Variants in NCALD observed in about 807,000 individuals in gnomAD.
NCALD encodes the protein neurocalcin-delta.
In NCALD, 10 loss-of-function variants were observed where a neutral mutation model predicts 18.6. That is an observed-to-expected ratio of 0.54 (90% CI 0.33 to 0.91). The LOEUF (loss-of-function observed/expected upper bound fraction) is 0.91, where lower values mean the gene tolerates loss of function less well. Ranked by LOEUF, NCALD falls within the 40% of genes least tolerant of loss-of-function variation. The probability of loss-of-function intolerance (pLI) is 0.03; values close to 1 mark genes in which losing one functional copy is unlikely to be tolerated. For missense variants in NCALD, 184 were observed against 247.6 expected (o/e 0.74, Z 1.72); for synonymous variants, 88 against 87.4 (o/e 1.01, Z -0.04).
intron 2 of NCALD, among the ~76,000 whole-genome samples, chr8:102,013,660 T>A (rs1029912140): frequency 3.3e-5 from 5 of 151,056 alleles, no homozygotes. Flanking sequence ...GAACAAGATA[T>A]GTTAAAAAAA....
intron 1 of NCALD, among the ~76,000 whole-genome samples, chr8:102,074,664 G>A (rs557927039): frequency 2.2e-4 from 34 of 152,126 alleles, no homozygotes; most frequent in East Asian, 1.2e-3. Context: ...CTCTCACGTC[G>A]GTTCCACAGG....
intron 1 of NCALD, among the ~76,000 whole-genome samples, chr8:102,031,182 GA>G (rs1822656867): frequency 1.3e-5 from 2 of 152,126 alleles, no homozygotes; most frequent in African/African-American, 4.8e-5. Context: ...GGAACACAAT[GA>G]AATGTACCGT....
chr8:101,914,580 C>T (rs953299321), intron 3 of NCALD, among the ~76,000 whole-genome samples: 6 of 152,178 alleles, frequency 3.9e-5, no homozygotes, highest in Admixed American at 3.9e-4. Context: ...AATTCTTCTA[C>T]ATTCTCTTCA....
intron 2 of NCALD, among the ~76,000 whole-genome samples, chr8:102,000,333 A>G (rs969131373): frequency 3.3e-5 from 5 of 150,990 alleles, no homozygotes; most frequent in Non-Finnish European, 7.4e-5. Flanking sequence ...GGGGAGGGGT[A>G]CCCGCCATTG....
intron 1 of NCALD, among the ~76,000 whole-genome samples, chr8:102,072,513 A>G (rs910335032): frequency 1.3e-5 from 2 of 152,204 alleles, no homozygotes; most frequent in African/African-American, 4.8e-5. Context: ...CACAAAGACA[A>G]CAACAGAGTT....
chr8:102,032,779 T>C (rs746911824), intron 1 of NCALD, among the ~76,000 whole-genome samples: 1 of 152,076 alleles, frequency 6.6e-6, no homozygotes, highest in African/African-American at 2.4e-5. Flanking sequence ...CAAGATAACA[T>C]ATTCTGAGGA....
rs555484736 is a variant in NCALD, at chr8:102,029,716, T to C, written c.-209-9427A>G. Among the ~76,000 whole-genome samples, 4 of 152,320 alleles carry C rather than the reference T, an allele frequency of 2.6e-5. No homozygotes were observed. In the South Asian group the frequency reaches 6.2e-4, roughly 24 times the overall value. On this transcript the variant is annotated intron_variant, in intron 1 of 6. Coordinates refer to the NCALD transcript ENST00000311028. Reference sequence around the variant, plus strand: ...AGAGGTGAAAACCAAAAACACAGCATTCGAGCTGAAGGAAAAGCAGGTCAC... The same window carrying C: ...AGAGGTGAAAACCAAAAACACAGCACTCGAGCTGAAGGAAAAGCAGGTCAC...
chr8:101,711,582 T>C (rs145598018), intron 2 of NCALD, among the ~76,000 whole-genome samples: 3,914 of 151,784 alleles, frequency 0.026, 134 homozygotes, highest in African/African-American at 0.078. Flanking sequence ...ATAAATGACC[T>C]GATGGAGCTG....
chr8:102,066,050 C>T (rs929563977), intron 1 of NCALD, among the ~76,000 whole-genome samples: 1 of 152,176 alleles, frequency 6.6e-6, no homozygotes, highest in Non-Finnish European at 1.5e-5. Flanking sequence ...CTCCTGGACC[C>T]AACTCACAGC....
intron 4 of NCALD, among the ~76,000 whole-genome samples, chr8:101,871,251 C>G (rs373859188): frequency 1.1e-4 from 17 of 152,224 alleles, no homozygotes; most frequent in African/African-American, 3.9e-4. Flanking sequence ...GTTCCTGCCC[C>G]CTTTTGGAGA....
intron 3 of NCALD, among the ~76,000 whole-genome samples, chr8:101,906,334 C>T (rs1478398998): frequency 6.6e-6 from 1 of 152,156 alleles, no homozygotes; most frequent in African/African-American, 2.4e-5. Flanking sequence ...GATCCAAGAA[C>T]ATCTGAGTGC....
At chr8:101,770,853 A>T (rs1479865519) in intron 1 of NCALD, among the ~76,000 whole-genome samples, 2 of 152,208 alleles carry the variant, frequency 1.3e-5, no homozygotes, top group African/African-American at 4.8e-5. Context: ...TACATTTTTT[A>T]AAAAATAGAT....
intron 4 of NCALD, among the ~76,000 whole-genome samples, chr8:101,831,150 A>G (rs1401570098): frequency 2.0e-5 from 3 of 152,198 alleles, no homozygotes; most frequent in Non-Finnish European, 4.4e-5. Flanking sequence ...AGAAAAAATT[A>G]TCTAAATAGT....
intron 3 of NCALD, among the ~76,000 whole-genome samples, chr8:101,899,779 A>C (rs1036108916): frequency 6.6e-6 from 1 of 151,906 alleles, no homozygotes; most frequent in Non-Finnish European, 1.5e-5. Context: ...CTATTTATCA[A>C]TATTTTTAGG....
chr8:102,078,814 A>T (rs1289600174), intron 1 of NCALD, among the ~76,000 whole-genome samples: 2 of 152,212 alleles, frequency 1.3e-5, no homozygotes, highest in Non-Finnish European at 2.9e-5. Flanking sequence ...ACTCATCAGT[A>T]TCTGAAAGTG....
In NCALD at chr8:101,719,624, C is replaced by T; in HGVS notation, c.6G>A (p.Gly2=). 6.4e-7 allele frequency: 1 copy of T among 1,568,434 alleles called. No homozygotes were observed. Among genetic ancestry groups the T allele is most frequent in the Non-Finnish European group, 8.6e-7 (1 of 1,160,250 alleles). Reference sequence around the variant, plus strand: ...CCGGGCGCAGCTTGCTGTTCTGTTTCCCCATCCTGGCGGCAAGAATTCAGC... The same window carrying T: ...CCGGGCGCAGCTTGCTGTTCTGTTTTCCCATCCTGGCGGCAAGAATTCAGC... The part of the protein sequence containing the change: M[G]KQNSKLRPEV... The change falls in exon 2 of 4, where the codon GGG becomes GGA. Residue 2 remains glycine (G), a synonymous_variant. Transcript: ENST00000220931.
At chr8:102,014,954 G>A (rs1822030929) in intron 2 of NCALD, among the ~76,000 whole-genome samples, 1 of 152,138 alleles carries the variant, frequency 6.6e-6, no homozygotes, top group South Asian at 2.1e-4. Context: ...ATCTCAGTGG[G>A]TGCAGATGCT....
intron 2 of NCALD, among the ~76,000 whole-genome samples, chr8:101,712,602 A>AAAAAAAAAAAAAG (rs1563683244): frequency 2.3e-5 from 3 of 129,716 alleles, no homozygotes; most frequent in African/African-American, 5.8e-5. Flanking sequence ...AAAAAAAAAA[A>AAAAAAAAAAAAAG]AAAAAAAAAT....
chr8:101,883,033 T>A (rs985928414), intron 4 of NCALD, among the ~76,000 whole-genome samples: 3 of 152,234 alleles, frequency 2.0e-5, no homozygotes, highest in Non-Finnish European at 4.4e-5. Context: ...GTGCAAAATG[T>A]ATAAAGCATA....
Sources: gnomAD v4.1 joint callset for allele counts (sites outside exome capture counted in the v4.1 genomes callset) on GRCh38, gnomAD v4.1.1 for gene constraint, MANE v1.5 for transcripts, NCBI Gene and HGNC (gene_info 2026-07-23, HGNC 2026-07-21) for gene names.